Variants in B3GALT1 observed in about 807,000 individuals in gnomAD.
B3GALT1 encodes beta-1,3-galactosyltransferase 1.
A neutral mutation model predicts 23.2 loss-of-function variants in B3GALT1; 10 were observed. That is an observed-to-expected ratio of 0.43 (90% CI 0.27 to 0.73). B3GALT1 has a LOEUF of 0.73. Among genes scored for constraint, B3GALT1 ranks in the 30% least tolerant of loss-of-function variants. The pLI is 0.21. For missense variants in B3GALT1, 299 were observed against 405.4 expected, an observed-to-expected ratio of 0.74 and a Z score of 2.25; for synonymous variants, 156 against 141.5, an observed-to-expected ratio of 1.10 and a Z score of -0.73.
At chr2:167,353,613 C>T (rs954589264) in intron 1 of B3GALT1, among the ~76,000 whole-genome samples, 2 of 152,114 alleles carry the variant, frequency 1.3e-5, no homozygotes, top group Non-Finnish European at 2.9e-5. Flanking sequence ...CAAGTATCAT[C>T]AGGGATAATA....
At chr2:167,468,221 C>T (rs908419630) in intron 1 of B3GALT1, among the ~76,000 whole-genome samples, 5 of 152,054 alleles carry the variant, frequency 3.3e-5, no homozygotes, top group African/African-American at 1.2e-4. Context: ...AACAATTTTT[C>T]AAAGTAAATT....
chr2:167,784,245 G>T (rs112767115), intron 3 of B3GALT1, among the ~76,000 whole-genome samples: 3 of 152,258 alleles, frequency 2.0e-5, no homozygotes, highest in South Asian at 4.1e-4. Flanking sequence ...GCTGGCTTCC[G>T]ATTACCAGGA....
chr2:167,808,736 T>G (rs1462723198), intron 3 of B3GALT1, among the ~76,000 whole-genome samples: 85 of 152,166 alleles, frequency 5.6e-4, no homozygotes, highest in African/African-American at 1.9e-3. Flanking sequence ...TCATTTCAAC[T>G]TTGGTGAATC....
At chr2:167,395,512 C>T (rs73021758) in intron 1 of B3GALT1, among the ~76,000 whole-genome samples, 1 of 152,070 alleles carries the variant, frequency 6.6e-6, no homozygotes, top group Non-Finnish European at 1.5e-5. Context: ...CTCCCCAGAA[C>T]CTCCAGAAAG....
chr2:167,479,760 A>G (rs984371635), intron 1 of B3GALT1, among the ~76,000 whole-genome samples: 1 of 152,072 alleles, frequency 6.6e-6, no homozygotes, highest in Non-Finnish European at 1.5e-5. Flanking sequence ...GTTCACCGAG[A>G]CCGTGGTATT....
In B3GALT1 at chr2:167,573,533, A is replaced by G. The variant is rs367619732; in HGVS notation, c.-409-73376A>G. 4.0e-5 allele frequency among the ~76,000 whole-genome samples: 6 copies of G among 151,796 alleles called. No homozygotes were observed. The East Asian group carries it at 1.2e-3, about 29-fold the overall frequency. On this transcript the variant is annotated intron_variant, in intron 2 of 4. Coordinates refer to ENST00000392690, the MANE Select transcript of B3GALT1 (RefSeq NM_020981.4). ...GGAATTATGCTAAACTAGCACTTTC[A>G]ATTAGATTTTGGATTTTATAGGATA...
chr2:167,663,425 G>C lies in B3GALT1; in HGVS notation c.-352+16459G>C, dbSNP rs943867698. Among the ~76,000 whole-genome samples, 5 of 152,010 alleles carry C rather than the reference G, an allele frequency of 3.3e-5. No individual in the cohort carries two copies. In the East Asian group the frequency reaches 9.6e-4, roughly 29 times the overall value. On this transcript the variant is annotated intron_variant, in intron 3 of 4. Coordinates refer to ENST00000392690, the MANE Select transcript of B3GALT1 (RefSeq NM_020981.4). Reference sequence around the variant, plus strand: ...GAATAATGCCGCAATAAACATACGTGTGCATGTGTCTTTATAGCAGCACGA... The same window carrying C: ...GAATAATGCCGCAATAAACATACGTCTGCATGTGTCTTTATAGCAGCACGA...
At chr2:167,527,467 A>G (rs78201759) in intron 2 of B3GALT1, among the ~76,000 whole-genome samples, 1 of 151,810 alleles carries the variant, frequency 6.6e-6, no homozygotes. Flanking sequence ...AATGAAAAAA[A>G]GCAAATACAT....
intron 1 of B3GALT1, among the ~76,000 whole-genome samples, chr2:167,398,557 A>G (rs547462718): frequency 2.0e-5 from 3 of 152,172 alleles, no homozygotes; most frequent in Non-Finnish European, 2.9e-5. Flanking sequence ...AGGAAAGGTA[A>G]AATGAAGAAC....
At chr2:167,839,071 A>C (rs1339864454) in intron 4 of B3GALT1, among the ~76,000 whole-genome samples, 4 of 152,150 alleles carry the variant, frequency 2.6e-5, no homozygotes, top group Admixed American at 1.3e-4. Flanking sequence ...AGCCAATATC[A>C]TACTGAATTG....
intron 1 of B3GALT1, among the ~76,000 whole-genome samples, chr2:167,387,915 A>G (rs1697951568): frequency 6.6e-6 from 1 of 152,214 alleles, no homozygotes; most frequent in African/African-American, 2.4e-5. Context: ...GCATTGAACG[A>G]TATTTGAAAG....
intron 2 of B3GALT1, among the ~76,000 whole-genome samples, chr2:167,570,986 A>C (rs1200236261): frequency 3.3e-5 from 5 of 151,940 alleles, no homozygotes; most frequent in African/African-American, 4.8e-5. Context: ...ATACATAATA[A>C]CATCCTCCAC....
chr2:167,337,078 T>G lies in B3GALT1; in HGVS notation c.-511+43744T>G, dbSNP rs145894102. On this transcript the variant is annotated intron_variant, in intron 1 of 4. Coordinates refer to ENST00000392690, the MANE Select transcript of B3GALT1 (RefSeq NM_020981.4). ...AGGGTGTGGACAAGCCAGGGCTGGT[T>G]AGAGCAAGATCAGAATGTTGGACAA... Among the ~76,000 whole-genome samples the G allele has an allele frequency of 1.8e-3, 276 of 152,232 alleles. 3 individuals are homozygous for G. Among genetic ancestry groups the G allele is most frequent in the African/African-American group, 6.2e-3 (259 of 41,534 alleles).
At chr2:167,712,275 C>G (rs193123107) in intron 3 of B3GALT1, among the ~76,000 whole-genome samples, 1 of 152,146 alleles carries the variant, frequency 6.6e-6, no homozygotes, top group Admixed American at 6.6e-5. Flanking sequence ...AAGAGAGCCT[C>G]TAAATATGCT....
intron 1 of B3GALT1, among the ~76,000 whole-genome samples, chr2:167,352,510 A>G (rs2105256651): frequency 6.6e-6 from 1 of 150,514 alleles, no homozygotes; most frequent in African/African-American, 2.4e-5. Context: ...TCACAAGGTC[A>G]GATCGAGACC....
Position 167,356,743 on chromosome 2 carries a change from A to G in B3GALT1, c.-511+63409A>G, listed in dbSNP as rs568819901. Among the ~76,000 whole-genome samples the G allele has an allele frequency of 2.6e-5, 4 of 152,084 alleles. No individual in the cohort carries two copies. The South Asian group carries it at 8.3e-4, about 31-fold the overall frequency. On this transcript the variant is annotated intron_variant, in intron 1 of 4. Coordinates refer to ENST00000392690, the MANE Select transcript of B3GALT1 (RefSeq NM_020981.4). Reference sequence around the variant, plus strand: ...GTTTAAGTAAAATCTAAATAGTGACATATATACATATATGTACACACACAT... The same window carrying G: ...GTTTAAGTAAAATCTAAATAGTGACGTATATACATATATGTACACACACAT...
chr2:167,816,688 G>T (rs1171593712), intron 3 of B3GALT1, among the ~76,000 whole-genome samples: 1 of 152,092 alleles, frequency 6.6e-6, no homozygotes, highest in South Asian at 2.1e-4. Flanking sequence ...CAAAAGCAAG[G>T]AAATGTTTTA....
rs192393607 is a variant in B3GALT1 at position 167,488,868 on chromosome 2, A to G, written c.-510-1309A>G. On this transcript the variant is annotated intron_variant, in intron 1 of 4. Coordinates refer to ENST00000392690, the MANE Select transcript of B3GALT1 (RefSeq NM_020981.4). ...TTTTGTGTCAGGCTTGTTTCATGCAACTTTAAGATTTTTCGATTTATCCAT... is the reference window on the plus strand; with the variant it reads ...TTTTGTGTCAGGCTTGTTTCATGCAGCTTTAAGATTTTTCGATTTATCCAT... Among the ~76,000 whole-genome samples, 136 of 152,182 alleles carry G rather than the reference A, an allele frequency of 8.9e-4. 2 individuals are homozygous for G. The East Asian group carries it at 0.016, about 18-fold the overall frequency.
At chr2:167,376,638 A>G (rs1035868345) in intron 1 of B3GALT1, among the ~76,000 whole-genome samples, 2 of 152,094 alleles carry the variant, frequency 1.3e-5, no homozygotes, top group South Asian at 2.1e-4. Flanking sequence ...AGAGGTGTTC[A>G]TAATAGTCTT....
Sources: gnomAD v4.1 joint callset for allele counts (sites outside exome capture counted in the v4.1 genomes callset) on GRCh38, gnomAD v4.1.1 for gene constraint, MANE v1.5 for transcripts, NCBI Gene and HGNC (gene_info 2026-07-23, HGNC 2026-07-21) for gene names.